SORCS2: variants seen among roughly 807,000 people sequenced by gnomAD.
SORCS2 encodes VPS10 domain-containing receptor SorCS2.
SORCS2 carries 100 observed loss-of-function variants against 141.6 expected under a neutral mutation model. The ratio of observed to expected loss-of-function variants is 0.71; its 90% CI spans 0.60 to 0.83. SORCS2 has a LOEUF of 0.83. Ranked by LOEUF, SORCS2 falls within the 40% of genes least tolerant of loss-of-function variation. SORCS2 has a pLI of 0.00. For missense variants in SORCS2, 1,646 were observed against 1,560.2 expected (o/e 1.05, Z -0.93); for synonymous variants, 789 against 676.9 (o/e 1.17, Z -2.57).
Position 7,712,881 on chromosome 4 carries a change from C to A in SORCS2, c.1989+28C>A, listed in dbSNP as rs370797879. ...GGGCCGGCATGAGGCTGGGATCGGG[C>A]AGGTGGGGTACAGACTGCAAACACA... On this transcript the variant is annotated intron_variant, in intron 15 of 26. Transcript: ENST00000507866. The A allele has an allele frequency of 8.1e-6, 13 of 1,611,928 alleles. No individual in the cohort carries two copies. The African/African-American group carries it at 1.7e-4, about 21-fold the overall frequency.
At chr4:7,198,981 C>T (rs1294378546) in intron 1 of SORCS2, among the ~76,000 whole-genome samples, 1 of 152,192 alleles carries the variant, frequency 6.6e-6, no homozygotes, top group Non-Finnish European at 1.5e-5. Flanking sequence ...GTGCCCAGAA[C>T]CCTCCACGTG....
intron 1 of SORCS2, among the ~76,000 whole-genome samples, chr4:7,277,986 T>G (rs1715617798): frequency 6.6e-6 from 1 of 152,160 alleles, no homozygotes; most frequent in African/African-American, 2.4e-5. Flanking sequence ...GCTTCGCTTG[T>G]GGATACCTTG....
At chr4:7,417,842 G>A (rs572396150) in intron 2 of SORCS2, among the ~76,000 whole-genome samples, 1 of 152,350 alleles carries the variant, frequency 6.6e-6, no homozygotes, top group Non-Finnish European at 1.5e-5. Flanking sequence ...TTGGGAACGG[G>A]TCGCTGAAGG....
At chr4:7,483,279 G>A (rs1730766217) in intron 2 of SORCS2, among the ~76,000 whole-genome samples, 1 of 149,744 alleles carries the variant, frequency 6.7e-6, no homozygotes, top group African/African-American at 2.5e-5. Context: ...ACCGAGATTG[G>A]GCCACTGCAT....
chr4:7,225,178 C>T (rs1317603799), intron 1 of SORCS2, among the ~76,000 whole-genome samples: 1 of 152,222 alleles, frequency 6.6e-6, no homozygotes, highest in Non-Finnish European at 1.5e-5. Context: ...GTGCTGCACA[C>T]ACATTTCTGC....
intron 2 of SORCS2, among the ~76,000 whole-genome samples, chr4:7,437,463 A>T (rs888381907): frequency 1.3e-5 from 2 of 152,054 alleles, no homozygotes; most frequent in Non-Finnish European, 2.9e-5. Flanking sequence ...TCCAGAGTTT[A>T]ATCTCCAGCA....
chr4:7,419,320 AC>A (rs1361536786), intron 2 of SORCS2, among the ~76,000 whole-genome samples: 1 of 152,048 alleles, frequency 6.6e-6, no homozygotes, highest in East Asian at 1.9e-4. Context: ...TCTGGAGAAG[AC>A]CTTTTTGCTG....
chr4:7,355,833 C>G (rs1197901033), intron 1 of SORCS2, among the ~76,000 whole-genome samples: 5 of 152,232 alleles, frequency 3.3e-5, no homozygotes, highest in South Asian at 2.1e-4. Flanking sequence ...ATGTGCTGTG[C>G]TGCTTTTCTG....
At chr4:7,519,169 A>G (rs1387428351) in intron 2 of SORCS2, among the ~76,000 whole-genome samples, 1 of 152,174 alleles carries the variant, frequency 6.6e-6, no homozygotes, top group Non-Finnish European at 1.5e-5. Flanking sequence ...CGAGGGGAGC[A>G]CCGGCAGCTC....
intron 1 of SORCS2, among the ~76,000 whole-genome samples, chr4:7,254,912 T>G (rs944710902): frequency 6.6e-6 from 1 of 152,094 alleles, no homozygotes; most frequent in Non-Finnish European, 1.5e-5. Flanking sequence ...GCCGGCTGTG[T>G]TCCCATGAGG....
At chr4:7,517,146 GAC>G (rs1733040720) in intron 2 of SORCS2, among the ~76,000 whole-genome samples, 1 of 152,192 alleles carries the variant, frequency 6.6e-6, no homozygotes, top group African/African-American at 2.4e-5. Flanking sequence ...TTTCTGATCA[GAC>G]ACACTGAGGA....
chr4:7,387,450 CAT>C (rs1723449159), intron 1 of SORCS2, among the ~76,000 whole-genome samples: 4 of 97,010 alleles, frequency 4.1e-5, no homozygotes, highest in African/African-American at 1.2e-4. Flanking sequence ...TGCATGCACA[CAT>C]GCACACACAG....
rs570245187 is a variant in SORCS2 at position 7,499,573 on chromosome 4, G to A, written c.549-31957G>A. Among the ~76,000 whole-genome samples the A allele has an allele frequency of 3.3e-5, 5 of 152,208 alleles. No individual in the cohort carries two copies. In the East Asian group the frequency reaches 5.8e-4, roughly 18 times the overall value. On this transcript the variant is annotated intron_variant, in intron 2 of 26. Coordinates refer to ENST00000507866, the MANE Select transcript of SORCS2 (RefSeq NM_020777.3). The stretch of plus-strand genomic sequence containing the variant: ...TGGTACCTGGAACTCGACACTGGCT[G>A]GCGGGTGGGGGCCGGCATGGGAGAC...
At chr4:7,481,457 C>G (rs1730629993) in intron 2 of SORCS2, among the ~76,000 whole-genome samples, 1 of 152,134 alleles carries the variant, frequency 6.6e-6, no homozygotes, top group Non-Finnish European at 1.5e-5. Flanking sequence ...GCCCAGGAAA[C>G]CTGGGTGGCA....
intron 1 of SORCS2, among the ~76,000 whole-genome samples, chr4:7,237,635 C>T (rs145166931): frequency 3.9e-4 from 59 of 152,162 alleles, no homozygotes; most frequent in African/African-American, 1.1e-3. Context: ...GGAAAGCAGA[C>T]GGGATTCTAT....
intron 2 of SORCS2, among the ~76,000 whole-genome samples, chr4:7,461,694 G>A (rs1443249036): frequency 1.3e-5 from 2 of 152,128 alleles, no homozygotes; most frequent in South Asian, 2.1e-4. Context: ...GCCCTTCCAC[G>A]GTCTGCAGCC....
chr4:7,489,291 C>G (rs1390242463), intron 2 of SORCS2, among the ~76,000 whole-genome samples: 3 of 152,190 alleles, frequency 2.0e-5, no homozygotes, highest in African/African-American at 7.2e-5. Flanking sequence ...TCCACTCTTT[C>G]AGATGCTGCC....
At chr4:7,726,717 C>T (rs1313873937) in intron 20 of SORCS2, 63 bp from the exon 21 acceptor site, 6 of 1,579,336 alleles carry the variant, frequency 3.8e-6, no homozygotes, top group Non-Finnish European at 5.2e-6. Context: ...GACCATAGGC[C>T]AGCGTCCCCC....
intron 3 of SORCS2, among the ~76,000 whole-genome samples, chr4:7,624,332 A>G (rs1212055813): frequency 1.3e-5 from 2 of 152,204 alleles, no homozygotes; most frequent in East Asian, 3.9e-4. Context: ...ATGGATGACC[A>G]TGACCTTGGC....
Sources: gnomAD v4.1 joint callset for allele counts (sites outside exome capture counted in the v4.1 genomes callset) on GRCh38, gnomAD v4.1.1 for gene constraint, MANE v1.5 for transcripts, NCBI Gene and HGNC (gene_info 2026-07-23, HGNC 2026-07-21) for gene names.